PHKB: variants seen among roughly 807,000 people sequenced by gnomAD.
PHKB encodes the protein phosphorylase kinase regulatory subunit beta.
PHKB carries 122 observed loss-of-function variants against 152.1 expected under a neutral mutation model. That is an observed-to-expected ratio of 0.80 (90% CI 0.69 to 0.93). The LOEUF is 0.93. Among genes scored for constraint, PHKB ranks in the 40% least tolerant of loss-of-function variants. The probability of loss-of-function intolerance (pLI) is 0.00; values close to 1 mark genes in which losing one functional copy is unlikely to be tolerated. For synonymous variants in PHKB, 436 were observed against 464.9 expected, an observed-to-expected ratio of 0.94 and a Z score of 0.80; for missense variants, 1,304 against 1,328.4, an observed-to-expected ratio of 0.98 and a Z score of 0.29.
intron 14 of PHKB, among the ~76,000 whole-genome samples, chr16:47,614,996 A>G (rs1317747479): frequency 1.3e-5 from 2 of 152,164 alleles, no homozygotes; most frequent in African/African-American, 4.8e-5. Flanking sequence ...GTTACGTTGG[A>G]TATAGGATTC....
intron 7 of PHKB, chr16:47,566,247 T>C (rs1971564217): frequency 1.2e-6 from 1 of 839,114 alleles, no homozygotes; most frequent in Non-Finnish European, 2.1e-6. Context: ...AAAGCTATCA[T>C]CACCTCTTCT....
At chr16:47,574,643 A>C (rs1971719585) in intron 7 of PHKB, among the ~76,000 whole-genome samples, 1 of 152,204 alleles carries the variant, frequency 6.6e-6, no homozygotes, top group African/African-American at 2.4e-5. Context: ...GGAGTATAGA[A>C]ATCACATGAC....
At chr16:47,665,978 AG>A (rs1310923001) in intron 25 of PHKB, 1 of 1,614,082 alleles carries the variant, frequency 6.2e-7, no homozygotes, top group Admixed American at 1.7e-5. Context: ...TTTTAAGTAA[AG>A]TAGTGGACAG....
At position 47,596,445 on chromosome 16, in the gene PHKB, G is replaced by A. The variant is rs1257805287; in HGVS notation, c.1277G>A (p.Ser426Asn). 8.1e-6 allele frequency: 13 copies of A among 1,613,286 alleles called. No homozygotes were observed. Among genetic ancestry groups the A allele is most frequent in the Non-Finnish European group, 1.0e-5 (12 of 1,179,396 alleles). The change falls in exon 13 of 31, where the codon AGT becomes AAT. Residue 426 changes from serine to asparagine, a missense_variant. By Grantham distance (46) the Ser-to-Asn change is conservative. Coordinates refer to ENST00000323584, the MANE Select transcript of PHKB (RefSeq NM_000293.3). ...FVEYEKNNPG[S>N]QKRFPSNCGR... ...GAATATGAAAAAAATAACCCTGGTAGTCAAAAACGATTTCCTAGCAACTGT... is the reference window on the plus strand; with the variant it reads ...GAATATGAAAAAAATAACCCTGGTAATCAAAAACGATTTCCTAGCAACTGT...
At chr16:47,665,613 C>A in intron 25 of PHKB, 1 of 387,840 alleles carries the variant, frequency 2.6e-6, no homozygotes, top group Non-Finnish European at 4.9e-6. Context: ...TCAGAATACC[C>A]TCTTAATCCC....
chr16:47,487,417 A>G (rs1970067621), intron 1 of PHKB, among the ~76,000 whole-genome samples: 1 of 147,854 alleles, frequency 6.8e-6, no homozygotes, highest in African/African-American at 2.6e-5. Context: ...AAGAGTTTAT[A>G]TATATATATA....
At chr16:47,539,048 G>T (rs1477126924) in intron 6 of PHKB, among the ~76,000 whole-genome samples, 5 of 152,166 alleles carry the variant, frequency 3.3e-5, no homozygotes, top group Admixed American at 1.3e-4. Context: ...CCTGTAATCA[G>T]AACCTGTAGC....
At chr16:47,513,124 G>C (rs553396006) in intron 5 of PHKB, among the ~76,000 whole-genome samples, 1 of 152,312 alleles carries the variant, frequency 6.6e-6, no homozygotes, top group African/African-American at 2.4e-5. Context: ...TTGTATCCCA[G>C]ATTCAGCTCA....
chr16:47,509,963 C>G (rs1006887974), intron 4 of PHKB, among the ~76,000 whole-genome samples: 1 of 152,234 alleles, frequency 6.6e-6, no homozygotes, highest in African/African-American at 2.4e-5. Context: ...CCACAATTCT[C>G]TCTGACTTGG....
intron 6 of PHKB, among the ~76,000 whole-genome samples, chr16:47,516,847 G>T (rs1354273041): frequency 6.6e-6 from 1 of 152,174 alleles, no homozygotes; most frequent in African/African-American, 2.4e-5. Flanking sequence ...ATTTGTCAAA[G>T]AATTCTATGG....
chr16:47,545,140 T>A (rs538615742), intron 6 of PHKB, among the ~76,000 whole-genome samples: 1 of 152,386 alleles, frequency 6.6e-6, no homozygotes, highest in African/African-American at 2.4e-5. Flanking sequence ...GTCATTATGA[T>A]GCTTGCTGGT....
intron 13 of PHKB, among the ~76,000 whole-genome samples, chr16:47,609,209 C>T (rs1248235818): frequency 6.6e-6 from 1 of 152,048 alleles, no homozygotes; most frequent in Non-Finnish European, 1.5e-5. Context: ...TAGTAATTAA[C>T]TTTGTGATGT....
intron 4 of PHKB, among the ~76,000 whole-genome samples, chr16:47,508,546 A>G (rs2151647974): frequency 6.6e-6 from 1 of 152,262 alleles, no homozygotes; most frequent in East Asian, 1.9e-4. Flanking sequence ...TCTCTAAATG[A>G]ATGTTTTAAG....
intron 6 of PHKB, among the ~76,000 whole-genome samples, chr16:47,536,121 G>A (rs957088856): frequency 2.0e-5 from 3 of 152,058 alleles, no homozygotes; most frequent in Non-Finnish European, 2.9e-5. Context: ...GCGCGATCTC[G>A]GCTCATAGCA....
At chr16:47,618,540 T>C (rs1314976662) in intron 14 of PHKB, among the ~76,000 whole-genome samples, 3 of 152,344 alleles carry the variant, frequency 2.0e-5, no homozygotes, top group South Asian at 4.1e-4. Flanking sequence ...ATAATTATGA[T>C]GTCCCCAAAT....
At chr16:47,693,204 C>T (rs924551070) in intron 27 of PHKB, among the ~76,000 whole-genome samples, 174 bp from the exon 28 acceptor site, 13 of 152,180 alleles carry the variant, frequency 8.5e-5, no homozygotes, top group South Asian at 2.1e-4. Context: ...CCTGCCAGCC[C>T]TGTTTTCATT....
intron 24 of PHKB, chr16:47,664,000 A>G: frequency 2.0e-6 from 1 of 509,338 alleles, no homozygotes; most frequent in Non-Finnish European, 3.5e-6. Context: ...TTCCTGCTGT[A>G]CACCTCCTCT....
intron 14 of PHKB, among the ~76,000 whole-genome samples, chr16:47,629,137 C>T (rs1972771444): frequency 1.3e-5 from 2 of 152,114 alleles, no homozygotes; most frequent in South Asian, 4.1e-4. Flanking sequence ...TCTAAAACAC[C>T]AAAAGCAATG....
rs1233365017 is a variant in PHKB at position 47,665,172 on chromosome 16, T to TA, written c.2427+200dup. ...TCATCTATGTTGAAATTAAGGAATA[T>TA]AAATGCTTTTTATAAGTCAGCTTCT... On this transcript the variant is annotated intron_variant, in intron 25 of 30. Coordinates refer to ENST00000323584, the MANE Select transcript of PHKB (RefSeq NM_000293.3). The TA allele has an allele frequency of 2.0e-5, 11 of 563,950 alleles. No individual in the cohort carries two copies. In the South Asian group the frequency reaches 2.3e-4, roughly 12 times the overall value. 34.9% of individuals were successfully genotyped at this position (563,950 alleles called of 1,614,324 possible). A position where few individuals can be genotyped will look rare whatever the true frequency, so the allele number is the denominator to read the frequency against.
Sources: gnomAD v4.1 joint callset for allele counts (sites outside exome capture counted in the v4.1 genomes callset) on GRCh38, gnomAD v4.1.1 for gene constraint, MANE v1.5 for transcripts, NCBI Gene and HGNC (gene_info 2026-07-23, HGNC 2026-07-21) for gene names.